TTC17: variants seen among roughly 807,000 people sequenced by gnomAD.
TTC17 encodes tetratricopeptide repeat protein 17.
TTC17 carries 58 observed loss-of-function variants against 143.8 expected under a neutral mutation model. That is an observed-to-expected ratio of 0.40 (90% confidence interval 0.33 to 0.50). The LOEUF is 0.50. TTC17 is among the 20% of genes least tolerant of loss of function. The pLI is 0.49. For synonymous variants in TTC17, 501 were observed against 497.8 expected (o/e 1.01, Z -0.09); for missense variants, 1,273 against 1,392.5 (o/e 0.91, Z 1.37).
At chr11:43,453,382 A>G (rs951673514) in intron 21 of TTC17, among the ~76,000 whole-genome samples, 1 of 152,176 alleles carries the variant, frequency 6.6e-6, no homozygotes, top group African/African-American at 2.4e-5. Flanking sequence ...GAAGAAAAAA[A>G]AAAGAGAGAA....
In TTC17 at chr11:43,405,623, G is replaced by C; in HGVS notation, c.1589G>C (p.Gly530Ala). 1 of 1,613,850 alleles carries C rather than the reference G, an allele frequency of 6.2e-7. No individual in the cohort carries two copies. The highest frequency in any genetic ancestry group is 8.5e-7 in the Non-Finnish European group (1 of 1,179,806). ...TATTTTCTGCCTCCGGAAAACAAAG[G>C]ACTCAGGCAAGTGGTGATGGATTTG... ...PTYFLPPENK[G>A]LRIHELSSDD... The change falls in exon 12 of 24, where the codon GGA becomes GCA. Residue 530 changes from glycine (G) to alanine (A), a missense_variant. Physicochemically the swap from Gly to Ala is moderately conservative, Grantham distance 60. Around this residue, in one of 3 missense-constraint regions of TTC17, gnomAD observed 878 missense variants for 899.8 expected, o/e 0.98. Transcript: ENST00000039989.
chr11:43,397,908 G>A, intron 7 of TTC17, 66 bp from the exon 8 acceptor site: 9 of 486,088 alleles, frequency 1.9e-5, no homozygotes, highest in Middle Eastern at 1.7e-3. Context: ...TTCCGTGTGT[G>A]TGTGTGTGTG....
chr11:43,402,430 A>G (rs916936738), intron 10 of TTC17, among the ~76,000 whole-genome samples: 1 of 152,144 alleles, frequency 6.6e-6, no homozygotes, highest in Non-Finnish European at 1.5e-5. Flanking sequence ...CTGTATATAC[A>G]CACGTGTATA....
chr11:43,466,145 A>G (rs1013016210), intron 21 of TTC17, among the ~76,000 whole-genome samples: 6 of 152,248 alleles, frequency 3.9e-5, no homozygotes, highest in African/African-American at 1.4e-4. Flanking sequence ...TCCAAAGATG[A>G]TATGCAAACA....
At chr11:43,364,439 T>G (rs1565126298) in intron 1 of TTC17, among the ~76,000 whole-genome samples, 1 of 152,212 alleles carries the variant, frequency 6.6e-6, no homozygotes, top group Non-Finnish European at 1.5e-5. Context: ...AGCATCCATA[T>G]GGCACTGTGA....
chr11:43,452,289 C>T (rs1947673717), intron 21 of TTC17, among the ~76,000 whole-genome samples: 1 of 152,014 alleles, frequency 6.6e-6, no homozygotes, highest in African/African-American at 2.4e-5. Context: ...CACTTGAGGA[C>T]AGGGGTTCAA....
At chr11:43,430,709 G>GCGCACACACACA (rs1554994150) in intron 16 of TTC17, among the ~76,000 whole-genome samples, 34 of 138,542 alleles carry the variant, frequency 2.5e-4, no homozygotes, top group African/African-American at 6.3e-4. Flanking sequence ...CTACATACAC[G>GCGCACACACACA]CACACACACA....
chr11:43,405,489 A>G (rs770600092), intron 11 of TTC17, 25 bp from the exon 12 acceptor site: 5 of 1,560,276 alleles, frequency 3.2e-6, no homozygotes, highest in Admixed American at 3.4e-5. Flanking sequence ...AAAGAAATTT[A>G]TGAGAAATTT....
intron 1 of TTC17, among the ~76,000 whole-genome samples, chr11:43,378,483 T>C (rs1856843620): frequency 6.6e-6 from 1 of 152,220 alleles, no homozygotes; most frequent in South Asian, 2.1e-4. Flanking sequence ...ACTTAGGTTG[T>C]TTCTGATTGT....
chr11:43,442,218 C>T (rs980226501), intron 16 of TTC17, among the ~76,000 whole-genome samples: 1 of 152,280 alleles, frequency 6.6e-6, no homozygotes, highest in South Asian at 2.1e-4. Context: ...AATTTTATGG[C>T]ACCACCATGG....
At chr11:43,403,781 C>T (rs931584595) in intron 10 of TTC17, among the ~76,000 whole-genome samples, 1 of 152,096 alleles carries the variant, frequency 6.6e-6, no homozygotes, top group Non-Finnish European at 1.5e-5. Flanking sequence ...TCTCATACTC[C>T]AATGGCAAAG....
chr11:43,488,900 T>C (rs910419930), intron 21 of TTC17, among the ~76,000 whole-genome samples: 1 of 152,138 alleles, frequency 6.6e-6, no homozygotes, highest in African/African-American at 2.4e-5. Context: ...AGGATCTTGC[T>C]GTGTTGCCCA....
chr11:43,483,290 T>C (rs1468387800), intron 21 of TTC17, among the ~76,000 whole-genome samples: 1 of 152,104 alleles, frequency 6.6e-6, no homozygotes, highest in Non-Finnish European at 1.5e-5. Context: ...TAAACAGACT[T>C]CCAGACATTA....
intron 16 of TTC17, among the ~76,000 whole-genome samples, chr11:43,437,988 C>T (rs958260571): frequency 2.6e-5 from 4 of 152,180 alleles, no homozygotes; most frequent in African/African-American, 7.2e-5. Flanking sequence ...TACCTTAATC[C>T]GAATGATTTA....
intron 2 of TTC17, among the ~76,000 whole-genome samples, chr11:43,388,284 CT>C (rs908708408): frequency 5.3e-5 from 8 of 151,936 alleles, no homozygotes; most frequent in Non-Finnish European, 1.2e-4. Context: ...AACATACATA[CT>C]TTTTTTAAGT....
intron 21 of TTC17, among the ~76,000 whole-genome samples, chr11:43,452,167 A>T (rs1280137994): frequency 2.0e-5 from 3 of 152,190 alleles, no homozygotes; most frequent in African/African-American, 7.2e-5. Context: ...GAAAATCCTG[A>T]GTAATAAAAA....
At chr11:43,396,957 CAAA>C (rs11406499) in intron 6 of TTC17, 139 bp downstream of exon 6, 442 of 334,500 alleles carry the variant, frequency 1.3e-3, no homozygotes, top group Middle Eastern at 3.8e-3. Context: ...AGTCCCACCA[CAAA>C]AAAAAAAAAA....
At chr11:43,415,931 G>A (rs1946767924) in intron 16 of TTC17, among the ~76,000 whole-genome samples, 1 of 152,140 alleles carries the variant, frequency 6.6e-6, no homozygotes, top group Non-Finnish European at 1.5e-5. Flanking sequence ...GGAGTGGCTA[G>A]CACTAGAATC....
At chr11:43,419,210 CTTTAATG>C (rs1416378533) in intron 16 of TTC17, among the ~76,000 whole-genome samples, 1 of 152,194 alleles carries the variant, frequency 6.6e-6, no homozygotes, top group Non-Finnish European at 1.5e-5. Context: ...AGAACTCAGA[CTTTAATG>C]TTTAGGTGTT....
Sources: gnomAD v4.1 joint callset for allele counts (sites outside exome capture counted in the v4.1 genomes callset) on GRCh38, gnomAD v4.1.1 for gene constraint, gnomAD v4.1.1 regional missense constraint, MANE v1.5 for transcripts, NCBI Gene and HGNC (gene_info 2026-07-23, HGNC 2026-07-21) for gene names.